The following DNAAF4 variants were observed in gnomAD, a reference collection of about 807,000 sequenced individuals.
The protein encoded by DNAAF4 is dynein axonemal assembly factor 4.
A neutral mutation model predicts 51.8 loss-of-function variants in DNAAF4; 43 were observed. The observed-to-expected ratio is 0.83, with a 90% CI of 0.65 to 1.07. DNAAF4 has a LOEUF of 1.07. Ranked by LOEUF, DNAAF4 falls within the 50% of genes least tolerant of loss-of-function variation. The probability of loss-of-function intolerance (pLI) is 0.00; values close to 1 mark genes in which losing one functional copy is unlikely to be tolerated. For synonymous variants in DNAAF4, 194 were observed against 165.6 expected, an observed-to-expected ratio of 1.17 and a Z score of -1.32; for missense variants, 581 against 493.0, an observed-to-expected ratio of 1.18 and a Z score of -1.69.
At chr15:55,471,463 G>A (rs547494948) in intron 4 of DNAAF4, among the ~76,000 whole-genome samples, 10 of 151,806 alleles carry the variant, frequency 6.6e-5, no homozygotes, top group Admixed American at 1.3e-4. Flanking sequence ...AAGAGGCAGG[G>A]ACCAAATATA....
At chr15:55,457,038 G>C (rs995965670) in intron 5 of DNAAF4, among the ~76,000 whole-genome samples, 1 of 152,224 alleles carries the variant, frequency 6.6e-6, no homozygotes, top group Non-Finnish European at 1.5e-5. Context: ...ATTGGTGGCA[G>C]AGGGGGCAAA....
chr15:55,432,963 A>T (rs532504385), intron 8 of DNAAF4, among the ~76,000 whole-genome samples: 1 of 151,650 alleles, frequency 6.6e-6, no homozygotes, highest in Admixed American at 6.6e-5. Context: ...AAAAACAAAA[A>T]CAAAAAACAA....
chr15:55,483,774 G>A (rs2058444276), intron 4 of DNAAF4, among the ~76,000 whole-genome samples: 1 of 131,544 alleles, frequency 7.6e-6, no homozygotes, highest in African/African-American at 2.9e-5. Flanking sequence ...CAGTCCACCT[G>A]CTCAGCCTCC....
intron 8 of DNAAF4, among the ~76,000 whole-genome samples, chr15:55,434,092 G>A (rs1329128618): frequency 1.7e-5 from 2 of 120,282 alleles, no homozygotes; most frequent in Non-Finnish European, 3.3e-5. Flanking sequence ...GAGATATGTT[G>A]AACAACTTAA....
rs1469131838 is a variant in DNAAF4, at chr15:55,495,984, C to T, written c.271+1728G>A. Among the ~76,000 whole-genome samples the T allele has an allele frequency of 1.4e-4, 22 of 152,124 alleles. No homozygotes were observed. In the East Asian group the frequency reaches 2.1e-3, roughly 15 times the overall value. Reference sequence around the variant, plus strand: ...GCTCATGGCTGTAATCCCGGCACTTCGGGAGGCCGAGGTGGGTGGATCACT... The same window carrying T: ...GCTCATGGCTGTAATCCCGGCACTTTGGGAGGCCGAGGTGGGTGGATCACT... On this transcript the variant is annotated intron_variant, in intron 3 of 9. Coordinates refer to ENST00000321149, the MANE Select transcript of DNAAF4 (RefSeq NM_130810.4).
At chr15:55,468,533 A>G (rs930444557) in intron 4 of DNAAF4, among the ~76,000 whole-genome samples, 2 of 152,194 alleles carry the variant, frequency 1.3e-5, no homozygotes, top group African/African-American at 4.8e-5. Context: ...TAAATGCCTC[A>G]CAATAAGGCA....
At chr15:55,444,954 G>A (rs1213011732) in intron 6 of DNAAF4, among the ~76,000 whole-genome samples, 3 of 151,424 alleles carry the variant, frequency 2.0e-5, no homozygotes, top group East Asian at 1.9e-4. Context: ...GGGCTGAGAC[G>A]ATGGGGTTTT....
At chr15:55,441,785 T>C (rs981733264) in intron 6 of DNAAF4, among the ~76,000 whole-genome samples, 4 of 152,228 alleles carry the variant, frequency 2.6e-5, no homozygotes, top group Non-Finnish European at 5.9e-5. Context: ...GGTGTCTATG[T>C]GCCACATTTT....
At chr15:55,463,298 A>G (rs966015955) in intron 5 of DNAAF4, among the ~76,000 whole-genome samples, 22 of 152,226 alleles carry the variant, frequency 1.4e-4, no homozygotes, top group African/African-American at 5.1e-4. Flanking sequence ...AGGTAATAAA[A>G]GCCATCTTTG....
At chr15:55,449,132 G>C (rs185428971) in intron 6 of DNAAF4, among the ~76,000 whole-genome samples, 83 of 150,378 alleles carry the variant, frequency 5.5e-4, no homozygotes, top group African/African-American at 1.8e-3. Flanking sequence ...TGGGATTACA[G>C]GTGCCTGCCA....
At chr15:55,449,695 G>GTTTTTTT (rs1195492282) in intron 6 of DNAAF4, among the ~76,000 whole-genome samples, 5 of 35,278 alleles carry the variant, frequency 1.4e-4, no homozygotes, top group Non-Finnish European at 1.5e-4. Flanking sequence ...CAAAAAGACC[G>GTTTTTTT]CTTTTTTTTT....
At chr15:55,468,372 G>A (rs1352256214) in intron 4 of DNAAF4, among the ~76,000 whole-genome samples, 1 of 152,152 alleles carries the variant, frequency 6.6e-6, no homozygotes, top group African/African-American at 2.4e-5. Context: ...GACACTGAAT[G>A]AAAATTTCCT....
chr15:55,476,957 G>A (rs981204101), intron 4 of DNAAF4, among the ~76,000 whole-genome samples: 2 of 152,136 alleles, frequency 1.3e-5, no homozygotes, highest in African/African-American at 4.8e-5. Flanking sequence ...GATCACCTGA[G>A]GTCAGGAGTT....
rs1324379563 is a variant in DNAAF4, at chr15:55,443,067, G to T, written c.784-3486C>A. 20 of 1,610,828 alleles carry T rather than the reference G, an allele frequency of 1.2e-5. No homozygotes were observed. The Admixed American group carries it at 2.8e-4, about 23-fold the overall frequency. On this transcript the variant is annotated intron_variant, in intron 6 of 9. Transcript: ENST00000321149. ...CTTGTTCTTCTTTCATAAGCTTTGG[G>T]TCAAGAAAATGGGTTTTAAAGTCTT... is the stretch of plus-strand genomic sequence containing the variant.
At chr15:55,440,278 C>T (rs1191479478) in intron 6 of DNAAF4, among the ~76,000 whole-genome samples, 1 of 152,016 alleles carries the variant, frequency 6.6e-6, no homozygotes, top group African/African-American at 2.4e-5. Context: ...GTATTGAACA[C>T]ATGACCTCGT....
At chr15:55,441,238 G>C (rs569398631) in intron 6 of DNAAF4, among the ~76,000 whole-genome samples, 4 of 141,478 alleles carry the variant, frequency 2.8e-5, no homozygotes, top group African/African-American at 1.1e-4. Flanking sequence ...TGCCCGGCCA[G>C]TTTTTGTATT....
At chr15:55,434,802 T>C (rs563612353) in intron 8 of DNAAF4, 103 bp downstream of exon 8, 9 of 1,006,428 alleles carry the variant, frequency 8.9e-6, no homozygotes, top group African/African-American at 3.3e-5. Flanking sequence ...TTTAAAATCT[T>C]TGCATCTCAA....
Position 55,418,462 on chromosome 15 carries a change from A to G in DNAAF4, c.1048-329T>C, listed in dbSNP as rs779391558. ...GCAATTATACTCCAAAGGAGCAAGT[A>G]TTTTCAAGCCATATCAGAGCAACTG... On this transcript the variant is annotated intron_variant, in intron 7 of 7. Coordinates refer to the DNAAF4 transcript ENST00000448430. The G allele has an allele frequency of 4.6e-6, 7 of 1,523,598 alleles. No homozygotes were observed. In the East Asian group the frequency reaches 1.7e-4, roughly 37 times the overall value. The allele number at this position is 1,523,598 out of a possible 1,614,324, so 94.4% of individuals were successfully genotyped here. A position where few individuals can be genotyped will look rare whatever the true frequency, so the allele number is the denominator to read the frequency against.
At chr15:55,507,930 A>G (rs1019654045) in intron 1 of DNAAF4, among the ~76,000 whole-genome samples, 192 bp downstream of exon 1, 11 of 152,180 alleles carry the variant, frequency 7.2e-5, no homozygotes, top group Non-Finnish European at 1.0e-4. Context: ...CACCAGCAAT[A>G]TTACCATCAT....
Sources: allele counts gnomAD v4.1 joint callset (sites outside exome capture counted in the v4.1 genomes callset), GRCh38; gene constraint gnomAD v4.1.1; transcripts MANE v1.5; gene names NCBI Gene and HGNC (gene_info 2026-07-23, HGNC 2026-07-21).